The following NAV2 variants were observed in gnomAD, a reference collection of about 807,000 sequenced individuals.
NAV2 encodes neuron navigator 2.
A neutral mutation model predicts 223.2 loss-of-function variants in NAV2; 54 were observed. The observed-to-expected ratio is 0.24, with a 90% CI of 0.19 to 0.30. The LOEUF (loss-of-function observed/expected upper bound fraction) is 0.30. Ranked by LOEUF, NAV2 falls within the 10% of genes least tolerant of loss-of-function variation. The pLI is 1.00. For synonymous variants in NAV2, 1,279 were observed against 1,239.3 expected, an observed-to-expected ratio of 1.03 and a Z score of -0.67; for missense variants, 2,806 against 3,147.5, an observed-to-expected ratio of 0.89 and a Z score of 2.60.
At chr11:19,403,075 T>C (rs943644509) in intron 1 of NAV2, among the ~76,000 whole-genome samples, 2 of 152,200 alleles carry the variant, frequency 1.3e-5, no homozygotes, top group African/African-American at 2.4e-5. Flanking sequence ...CTCTCTGTGA[T>C]TCTGTTTCTA....
In NAV2 at chr11:19,892,570, C is replaced by G; in HGVS notation, c.907C>G (p.Pro303Ala). The G allele has an allele frequency of 6.2e-7, 1 of 1,613,936 alleles. No homozygotes were observed. Among genetic ancestry groups the G allele is most frequent in the Admixed American group, 1.7e-5 (1 of 59,996 alleles). The change falls in exon 6 of 38, where the codon CCA becomes GCA. Residue 303 changes from proline to alanine, a missense_variant. Pro to Ala is a conservative substitution (Grantham distance 27). Transcript: ENST00000349880. ...DKSKPVTSPP[P>A]PPSSHEKEPL... is the part of the protein sequence containing the mutation. ...ATCCAAACCAGTCACCTCCCCACCC[C>G]CACCGCCAAGCAGCCACGAGAAAGG...
chr11:19,859,841 C>G (rs550507646), intron 3 of NAV2, among the ~76,000 whole-genome samples: 1 of 144,844 alleles, frequency 6.9e-6, no homozygotes, highest in African/African-American at 2.6e-5. Context: ...AACTCCCTCC[C>G]GGACGGGGCG....
intron 11 of NAV2, chr11:20,027,425 G>C: frequency 4.1e-6 from 4 of 985,530 alleles, no homozygotes; most frequent in Non-Finnish European, 4.8e-6. Context: ...CCCTGTAAAT[G>C]GGCTGTGCCT....
At chr11:20,042,432 A>G (rs1466226319) in intron 12 of NAV2, among the ~76,000 whole-genome samples, 1 of 152,180 alleles carries the variant, frequency 6.6e-6, no homozygotes, top group Non-Finnish European at 1.5e-5. Context: ...CCACAGCTGA[A>G]TGATGAGCTT....
chr11:19,522,175 C>T (rs999393006), intron 1 of NAV2, among the ~76,000 whole-genome samples: 4 of 152,168 alleles, frequency 2.6e-5, no homozygotes, highest in Non-Finnish European at 5.9e-5. Flanking sequence ...ATGGCTGTGC[C>T]GCTTGGAAGC....
At chr11:19,902,006 G>A (rs1202334714) in intron 6 of NAV2, among the ~76,000 whole-genome samples, 1 of 152,164 alleles carries the variant, frequency 6.6e-6, no homozygotes, top group African/African-American at 2.4e-5. Context: ...GCCCTAGCTG[G>A]AGAATCATCT....
chr11:19,985,577 GT>G (rs2050721074), intron 11 of NAV2, among the ~76,000 whole-genome samples: 2 of 150,434 alleles, frequency 1.3e-5, no homozygotes, highest in African/African-American at 4.9e-5. Context: ...GTTGTTGTTT[GT>G]TTGTTTGTTT....
intron 1 of NAV2, among the ~76,000 whole-genome samples, chr11:19,693,500 G>A (rs530546878): frequency 3.3e-5 from 5 of 152,290 alleles, no homozygotes; most frequent in Non-Finnish European, 5.9e-5. Context: ...GCTTTAAGAG[G>A]CCACCAAAGT....
chr11:20,050,779 G>A (rs532817877), intron 16 of NAV2, among the ~76,000 whole-genome samples: 184 of 152,284 alleles, frequency 1.2e-3, no homozygotes, highest in African/African-American at 4.2e-3. Flanking sequence ...AATTCACTTC[G>A]TTACAGATGA....
chr11:19,659,207 T>C (rs2048207230), intron 1 of NAV2, among the ~76,000 whole-genome samples: 1 of 152,202 alleles, frequency 6.6e-6, no homozygotes, highest in South Asian at 2.1e-4. Context: ...CACTGGCATT[T>C]AGACCGGAGA....
At position 19,527,937 on chromosome 11, in the gene NAV2, G is replaced by GACACACACACACACACACAC. The variant is rs67561376; in HGVS notation, c.75+176926_75+176945dup. The stretch of plus-strand genomic sequence containing the variant: ...TCACAAGGAGATAGCTCCCTGCCCT[G>GACACACACACACACACACAC]ACACACACACACACACACACACACA... On this transcript the variant is annotated intron_variant, in intron 1 of 37. Transcript: ENST00000360655. 6.0e-3 allele frequency among the ~76,000 whole-genome samples: 864 copies of GACACACACACACACACACAC among 143,296 alleles called. 20 individuals are homozygous for GACACACACACACACACACAC. Among genetic ancestry groups the GACACACACACACACACACAC allele is most frequent in the African/African-American group, 0.022 (828 of 37,064 alleles). 94.0% of individuals were successfully genotyped at this position (143,296 alleles called of 152,430 possible).
chr11:19,667,615 T>G (rs964485993), intron 1 of NAV2, among the ~76,000 whole-genome samples: 2 of 152,144 alleles, frequency 1.3e-5, no homozygotes, highest in African/African-American at 4.8e-5. Context: ...AGGTGCTTAT[T>G]AGGAGCTTGT....
chr11:19,493,361 A>G (rs2134092334), intron 1 of NAV2, among the ~76,000 whole-genome samples: 1 of 152,350 alleles, frequency 6.6e-6, no homozygotes, highest in East Asian at 1.9e-4. Flanking sequence ...CTATGTAGGA[A>G]TCTATTGAAA....
intron 1 of NAV2, among the ~76,000 whole-genome samples, chr11:19,743,937 C>T (rs958318449): frequency 1.6e-4 from 25 of 152,238 alleles, no homozygotes; most frequent in African/African-American, 1.4e-4. Flanking sequence ...CACAGGTACT[C>T]GGAGGAGGAG....
intron 4 of NAV2, among the ~76,000 whole-genome samples, chr11:19,870,950 T>C (rs1472309072): frequency 6.6e-6 from 1 of 152,184 alleles, no homozygotes; most frequent in Non-Finnish European, 1.5e-5. Context: ...GGAGCATTGC[T>C]TCAGAAGATG....
intron 1 of NAV2, among the ~76,000 whole-genome samples, chr11:19,424,446 G>C (rs1470781771): frequency 6.6e-6 from 1 of 152,190 alleles, no homozygotes; most frequent in Non-Finnish European, 1.5e-5. Flanking sequence ...TCAAAGATTT[G>C]ACTGTCGAAA....
chr11:19,457,594 C>T (rs1161104937), intron 1 of NAV2, among the ~76,000 whole-genome samples: 1 of 152,062 alleles, frequency 6.6e-6, no homozygotes, highest in African/African-American at 2.4e-5. Flanking sequence ...AGGAATGACA[C>T]CCTCTGATTT....
chr11:19,771,203 C>A (rs940900653), intron 1 of NAV2, among the ~76,000 whole-genome samples: 1 of 152,124 alleles, frequency 6.6e-6, no homozygotes, highest in African/African-American at 2.4e-5. Flanking sequence ...AACTTATAAT[C>A]CAGTTGTAAT....
At chr11:19,959,895 G>A (rs2048209453) in intron 10 of NAV2, among the ~76,000 whole-genome samples, 1 of 152,200 alleles carries the variant, frequency 6.6e-6, no homozygotes, top group Non-Finnish European at 1.5e-5. Flanking sequence ...ACTGTCTGCT[G>A]TCTTGTTGGA....
Sources: allele counts gnomAD v4.1 joint callset (sites outside exome capture counted in the v4.1 genomes callset), GRCh38; gene constraint gnomAD v4.1.1; transcripts MANE v1.5; gene names NCBI Gene and HGNC (gene_info 2026-07-23, HGNC 2026-07-21).